The following TGS1 variants were observed in gnomAD, a reference collection of about 807,000 sequenced individuals.
TGS1 encodes trimethylguanosine synthase 1.
A neutral mutation model predicts 92.2 loss-of-function variants in TGS1; 69 were observed. The observed-to-expected ratio is 0.75, with a 90% confidence interval of 0.62 to 0.91. The LOEUF (loss-of-function observed/expected upper bound fraction) is 0.91, where lower values mean the gene tolerates loss of function less well. Among genes scored for constraint, TGS1 ranks in the 40% least tolerant of loss-of-function variants. The pLI is 0.00. For missense variants in TGS1, 1,062 were observed against 1,001.2 expected, an observed-to-expected ratio of 1.06 and a Z score of -0.82; for synonymous variants, 345 against 338.1, an observed-to-expected ratio of 1.02 and a Z score of -0.22.
chr8:55,781,974 T>C (rs1357478464), intron 1 of TGS1, among the ~76,000 whole-genome samples: 1 of 152,200 alleles, frequency 6.6e-6, no homozygotes, highest in Non-Finnish European at 1.5e-5. Context: ...CATGAATACC[T>C]TGTCTACTGT....
intron 12 of TGS1, 87 bp from the exon 13 acceptor site, chr8:55,824,493 TC>T (rs1803738623): frequency 1.0e-5 from 16 of 1,540,668 alleles, no homozygotes; most frequent in East Asian, 2.3e-5. Context: ...GCCAGAGTCT[TC>T]CTATTATTTG....
At chr8:55,822,049 A>G (rs1187216393) in intron 12 of TGS1, among the ~76,000 whole-genome samples, 1 of 151,538 alleles carries the variant, frequency 6.6e-6, no homozygotes, top group African/African-American at 2.4e-5. Flanking sequence ...CTTAACAACA[A>G]CAATATTGGC....
chr8:55,775,366 G>A (rs751835333), intron 1 of TGS1, among the ~76,000 whole-genome samples: 33 of 152,194 alleles, frequency 2.2e-4, no homozygotes, highest in Non-Finnish European at 4.1e-4. Context: ...CTTAAGCTGG[G>A]GAATGACATG....
chr8:55,821,992 A>G (rs927100083), intron 12 of TGS1, among the ~76,000 whole-genome samples: 6 of 151,378 alleles, frequency 4.0e-5, no homozygotes, highest in African/African-American at 1.5e-4. Flanking sequence ...GACAGTATTC[A>G]TATTTTCGGA....
At chr8:55,795,912 C>T in intron 6 of TGS1, 66 bp from the exon 7 acceptor site, 2 of 1,237,584 alleles carry the variant, frequency 1.6e-6, no homozygotes, top group African/African-American at 1.5e-5. Context: ...GTTTCATCCT[C>T]TTTTCCTATA....
At position 55,799,229 on chromosome 8, in the gene TGS1, A is replaced by C. The variant is rs376816638; in HGVS notation, c.1849+9A>C. On this transcript the variant is annotated intron_variant, in intron 8 of 12. Coordinates refer to ENST00000260129, the MANE Select transcript of TGS1 (RefSeq NM_024831.8). ...CCAGGCAGAAACTGAAGGTAACACT[A>C]AATATGCTTCAACTTGCTAATGGAT... 5 of 1,581,726 alleles carry C rather than the reference A, an allele frequency of 3.2e-6. No individual in the cohort carries two copies. The highest frequency in any genetic ancestry group is 4.3e-6 in the Non-Finnish European group (5 of 1,168,334).
chr8:55,811,784 T>C (rs1025643330), intron 11 of TGS1, among the ~76,000 whole-genome samples: 6 of 151,850 alleles, frequency 4.0e-5, no homozygotes, highest in Non-Finnish European at 8.8e-5. Context: ...AGAGAGAAAT[T>C]AGTGAAGAGA....
intron 7 of TGS1, among the ~76,000 whole-genome samples, 194 bp from the exon 8 acceptor site, chr8:55,798,720 A>G (rs142448739): frequency 2.6e-3 from 401 of 152,310 alleles, no homozygotes; most frequent in African/African-American, 9.0e-3. Flanking sequence ...AACTTTTAAT[A>G]AGGTCATGGC....
At chr8:55,809,298 C>T (rs1803276396) in intron 10 of TGS1, among the ~76,000 whole-genome samples, 2 of 152,152 alleles carry the variant, frequency 1.3e-5, no homozygotes, top group Admixed American at 6.5e-5. Flanking sequence ...GTATGTGTTC[C>T]AGTAGTTTAG....
intron 1 of TGS1, among the ~76,000 whole-genome samples, chr8:55,775,015 C>T (rs1811346898): frequency 1.3e-5 from 2 of 152,236 alleles, no homozygotes; most frequent in Admixed American, 6.5e-5. Context: ...TTTAGGAGGC[C>T]GAGGAGTGAG....
intron 1 of TGS1, among the ~76,000 whole-genome samples, chr8:55,774,825 G>A (rs930493928): frequency 1.2e-4 from 18 of 152,306 alleles, no homozygotes; most frequent in Middle Eastern, 3.4e-3. Context: ...AGGTTTCTTT[G>A]AGGAAGTAGC....
At chr8:55,811,976 T>C (rs1405080890) in intron 11 of TGS1, among the ~76,000 whole-genome samples, 1 of 152,172 alleles carries the variant, frequency 6.6e-6, no homozygotes, top group Admixed American at 6.5e-5. Context: ...TTGGACTTAT[T>C]GTCTTGTGAA....
In TGS1 at chr8:55,785,811, C is replaced by G. The variant is rs112242681; in HGVS notation, c.259C>G (p.Leu87Val). The G allele has an allele frequency of 2.6e-3, 4,249 of 1,613,900 alleles. 10 individuals carry two copies. The highest frequency in any genetic ancestry group is 3.3e-3 in the Non-Finnish European group (3,837 of 1,179,848). ...AGGCATAGGCCTGGATGAAAGTGAA[C>G]TTGATTCTGAGGCTGAACTCATGAG... ...SKGIGLDESELDSEAELMRSM... is the reference protein window; with the variant it reads ...SKGIGLDESEVDSEAELMRSM... Residue 87 changes from leucine to valine, a missense_variant, in exon 3 of 13, where the codon CTT (leucine) becomes GTT (valine). By Grantham distance (32) the Leu-to-Val change is conservative (BLOSUM62 1). Transcript: ENST00000260129.
intron 4 of TGS1, among the ~76,000 whole-genome samples, chr8:55,788,276 C>T (rs1356679980): frequency 6.8e-6 from 1 of 146,650 alleles, no homozygotes; most frequent in Non-Finnish European, 1.5e-5. Context: ...TGACCTTTTA[C>T]TTAACAATCA....
At chr8:55,808,212 A>G (rs1803233284) in intron 10 of TGS1, among the ~76,000 whole-genome samples, 1 of 152,192 alleles carries the variant, frequency 6.6e-6, no homozygotes, top group Non-Finnish European at 1.5e-5. Context: ...GAGACAAGCT[A>G]CTTTCATATT....
intron 4 of TGS1, 35 bp downstream of exon 4, chr8:55,787,095 G>T (rs1312207729): frequency 4.7e-6 from 7 of 1,490,024 alleles, no homozygotes; most frequent in Non-Finnish European, 2.7e-6. Context: ...GCCATGTAAT[G>T]GTTAGCAAAA....
At chr8:55,776,595 C>G (rs1238844870) in intron 1 of TGS1, among the ~76,000 whole-genome samples, 1 of 152,124 alleles carries the variant, frequency 6.6e-6, no homozygotes, top group African/African-American at 2.4e-5. Context: ...CTTTTTTATG[C>G]AAATAACCGA....
At chr8:55,789,802 T>A (rs1811822761) in intron 4 of TGS1, among the ~76,000 whole-genome samples, 1 of 152,214 alleles carries the variant, frequency 6.6e-6, no homozygotes, top group Non-Finnish European at 1.5e-5. Context: ...GCCCAGCTTT[T>A]GCCTTACTTG....
chr8:55,820,840 C>T (rs1803616343), intron 12 of TGS1, among the ~76,000 whole-genome samples: 1 of 152,192 alleles, frequency 6.6e-6, no homozygotes, highest in African/African-American at 2.4e-5. Flanking sequence ...GCCGTTCTCC[C>T]TCTCTCTGTC....
Sources: allele counts gnomAD v4.1 joint callset (sites outside exome capture counted in the v4.1 genomes callset), GRCh38; gene constraint gnomAD v4.1.1; transcripts MANE v1.5; gene names NCBI Gene and HGNC (gene_info 2026-07-23, HGNC 2026-07-21).